ZNF541: variants seen among roughly 807,000 people sequenced by gnomAD.
ZNF541 encodes zinc finger protein 541.
A neutral mutation model predicts 123.5 loss-of-function variants in ZNF541; 23 were observed. The ratio of observed to expected loss-of-function variants is 0.19; its 90% CI spans 0.13 to 0.26. The LOEUF is 0.26. ZNF541 is among the 10% of genes least tolerant of loss of function. ZNF541 has a pLI of 1.00. For missense variants in ZNF541, 1,612 were observed against 1,789.9 expected, an observed-to-expected ratio of 0.90 and a Z score of 1.79; for synonymous variants, 751 against 754.5, an observed-to-expected ratio of 1.00 and a Z score of 0.08.
chr19:47,570,433 C>G (rs756378750), intron 2 of ZNF541, among the ~76,000 whole-genome samples: 3 of 151,466 alleles, frequency 2.0e-5, no homozygotes, highest in African/African-American at 4.9e-5. Context: ...AAAAATTAGC[C>G]GGGCATGGTG....
intron 5 of ZNF541, among the ~76,000 whole-genome samples, chr19:47,543,701 C>T (rs1219668184): frequency 6.6e-6 from 1 of 150,540 alleles, no homozygotes; most frequent in Non-Finnish European, 1.5e-5. Flanking sequence ...AGTGCAGAGA[C>T]ACAATCTCAG....
At chr19:47,538,085 G>A in intron 9 of ZNF541, 57 bp downstream of exon 9, 1 of 1,534,618 alleles carries the variant, frequency 6.5e-7, no homozygotes, top group Non-Finnish European at 8.8e-7. Context: ...TAGAGTGGCT[G>A]TGGTCCGCAG....
chr19:47,572,295 G>C (rs1971503119), intron 1 of ZNF541, among the ~76,000 whole-genome samples: 1 of 152,108 alleles, frequency 6.6e-6, no homozygotes, highest in South Asian at 2.1e-4. Flanking sequence ...GGCAGAATTG[G>C]TGATAAAATA....
chr19:47,546,060 A>C, intron 4 of ZNF541, 80 bp from the exon 5 acceptor site: 1 of 1,273,100 alleles, frequency 7.9e-7, no homozygotes, highest in Non-Finnish European at 1.0e-6. Flanking sequence ...TGGCCCCCAA[A>C]AGTCTGTGGT....
rs781076942 is a variant in ZNF541 at position 47,544,708 on chromosome 19, A to C, written c.1821T>G (p.Ala607=). The C allele has an allele frequency of 1.1e-5, 17 of 1,510,746 alleles. No individual in the cohort carries two copies. In the East Asian group the frequency reaches 2.5e-4, roughly 22 times the overall value. The allele number at this position is 1,510,746 out of a possible 1,614,324, so 93.6% of individuals were successfully genotyped here. Residue 607 remains alanine, a synonymous_variant, in exon 5 of 17, where the codon GCT becomes GCG. Coordinates refer to ENST00000391901, the MANE Select transcript of ZNF541 (RefSeq NM_001277075.3). ...WPQQPPPLAP[A]VDSLHAGPGN... ...CAGGGCCGGCGTGGAGAGAGTCCAC[A>C]GCAGGAGCCAGTGGTGGGGGCTGCT...
chr19:47,566,437 T>C (rs2123407189), intron 2 of ZNF541, among the ~76,000 whole-genome samples: 1 of 152,226 alleles, frequency 6.6e-6, no homozygotes, highest in Non-Finnish European at 1.5e-5. Context: ...TATGTTTCCA[T>C]TAGTTATCCA....
In ZNF541 at chr19:47,544,626, G is replaced by A. The variant is rs1970237173; in HGVS notation, c.1903C>T (p.Pro635Ser). The change falls in exon 5 of 17, where the codon CCC becomes TCC. Residue 635 changes from proline to serine, a missense_variant. Pro to Ser is a moderately conservative substitution (Grantham distance 74). Coordinates refer to ENST00000391901, the MANE Select transcript of ZNF541 (RefSeq NM_001277075.3). ...ARRRKTTPGV[P>S]REASPGSTRR... Reference sequence around the variant, plus strand: ...GTGCTGCCGGGGGAGGCCTCTCTGGGAACCCCGGGTGTGGTTTTTCTCCTG... The same window carrying A: ...GTGCTGCCGGGGGAGGCCTCTCTGGAAACCCCGGGTGTGGTTTTTCTCCTG... 1.9e-6 allele frequency: 3 copies of A among 1,550,232 alleles called. No individual in the cohort carries two copies. The highest frequency in any genetic ancestry group is 1.7e-4 in the Middle Eastern group (1 of 6,012).
rs531969344 is a variant in ZNF541 at position 47,571,945 on chromosome 19, G to A, written c.-148C>T. Among the ~76,000 whole-genome samples the A allele has an allele frequency of 6.6e-6, 1 of 152,172 alleles. No individual in the cohort carries two copies. The highest frequency in any genetic ancestry group is 6.6e-5 in the Admixed American group (1 of 15,256). ...CAGGGAACAGGAGGACCCAGTTTAG[G>A]CCCCACAGGGAGGGGGTTCAGGTGA... On this transcript the variant is annotated 5_prime_UTR_variant, in exon 2 of 17. Transcript: ENST00000391901.
chr19:47,528,845 A>G, intron 14 of ZNF541, 105 bp downstream of exon 14: 1 of 786,684 alleles, frequency 1.3e-6, no homozygotes, highest in South Asian at 1.6e-5. Context: ...GTGCTGCCAC[A>G]GGCAGGTGAG....
Position 47,547,052 on chromosome 19 carries a change from G to C in ZNF541, c.549-1072C>G, listed in dbSNP as rs546263921. Among the ~76,000 whole-genome samples, 5 of 152,326 alleles carry C rather than the reference G, an allele frequency of 3.3e-5. No individual in the cohort carries two copies. The East Asian group carries it at 9.6e-4, about 29-fold the overall frequency. On this transcript the variant is annotated intron_variant, in intron 4 of 16. Coordinates refer to ENST00000391901, the MANE Select transcript of ZNF541 (RefSeq NM_001277075.3). ...AGCAAATGTAAAAGCCACACAGAGAGAGACCTGTTTAACTTTCAGTGTCTC... is the reference window on the plus strand; with the variant it reads ...AGCAAATGTAAAAGCCACACAGAGACAGACCTGTTTAACTTTCAGTGTCTC...
At chr19:47,535,274 GGGAAACAAGAGTGAC>G in intron 9 of ZNF541, among the ~76,000 whole-genome samples, 1 of 152,140 alleles carries the variant, frequency 6.6e-6, no homozygotes, top group African/African-American at 2.4e-5. Context: ...AACTCTTACA[GGGAAACAAGAGTGAC>G]TCTGCATGAC....
In ZNF541 at chr19:47,538,129, C is replaced by T. The variant is rs1969907475; in HGVS notation, c.3094+13G>A. 1 of 1,549,754 alleles carries T rather than the reference C, an allele frequency of 6.5e-7. No individual in the cohort carries two copies. Among genetic ancestry groups the T allele is most frequent in the Non-Finnish European group, 8.7e-7 (1 of 1,146,778 alleles). ...CCCTGGGATCACAGAGTGAGTGCCCCAGCCTCACTCACCGAGCATGGAGCT... is the reference window on the plus strand; with the variant it reads ...CCCTGGGATCACAGAGTGAGTGCCCTAGCCTCACTCACCGAGCATGGAGCT... On this transcript the variant is annotated intron_variant, in intron 9 of 16. Coordinates refer to ENST00000391901, the MANE Select transcript of ZNF541 (RefSeq NM_001277075.3).
chr19:47,559,400 A>AGAAG (rs890890070), intron 2 of ZNF541, among the ~76,000 whole-genome samples: 3 of 151,602 alleles, frequency 2.0e-5, no homozygotes, highest in East Asian at 2.0e-4. Context: ...AAAGAAAGAA[A>AGAAG]GAAGGAAGGA....
intron 4 of ZNF541, among the ~76,000 whole-genome samples, chr19:47,546,908 C>T (rs1380056812): frequency 1.3e-5 from 2 of 152,050 alleles, no homozygotes; most frequent in Non-Finnish European, 1.5e-5. Flanking sequence ...TTAGTAGAGA[C>T]GGGGTTTTGC....
At chr19:47,534,594 G>A (rs535226150) in intron 9 of ZNF541, among the ~76,000 whole-genome samples, 5 of 151,740 alleles carry the variant, frequency 3.3e-5, no homozygotes, top group East Asian at 3.9e-4. Context: ...GCAGTGAGCC[G>A]AGATCATGCC....
In ZNF541 at chr19:47,521,726, A is replaced by G. The variant is rs905122286; in HGVS notation, c.3712-72T>C. The G allele has an allele frequency of 2.0e-6, 3 of 1,525,786 alleles. No individual in the cohort carries two copies. In the African/African-American group the frequency reaches 4.1e-5, roughly 21 times the overall value. 94.5% of individuals were successfully genotyped at this position (1,525,786 alleles called of 1,614,324 possible). On this transcript the variant is annotated intron_variant, in intron 15 of 16. Coordinates refer to ENST00000391901, the MANE Select transcript of ZNF541 (RefSeq NM_001277075.3). The surrounding 1 kb of genome is among the most constrained non-coding windows in gnomAD (Gnocchi z 4.2). ...GTAAGAGAGACACAGAGCTGGGGGC[A>G]TACGTGTCTCCTGCAGGAAAACCCT...
chr19:47,521,411 A>T lies in ZNF541; in HGVS notation c.3888-34T>A. On this transcript the variant is annotated intron_variant, in intron 16 of 16. Coordinates refer to ENST00000391901, the MANE Select transcript of ZNF541 (RefSeq NM_001277075.3). This position sits in a 1 kb window ranked among gnomAD's most constrained non-coding sequence, Gnocchi z 4.2. ...TCACCAGAGGACATGGGGTCAGAGC[A>T]GGGAGGAAGGGATCACAGGGGCTGA... 1 of 1,550,862 alleles carries T rather than the reference A, an allele frequency of 6.4e-7. No individual in the cohort carries two copies. Among genetic ancestry groups the T allele is most frequent in the Non-Finnish European group, 8.7e-7 (1 of 1,146,186 alleles).
intron 5 of ZNF541, among the ~76,000 whole-genome samples, chr19:47,541,604 C>G (rs1254349108): frequency 6.6e-6 from 1 of 152,110 alleles, no homozygotes; most frequent in Non-Finnish European, 1.5e-5. Flanking sequence ...AGGACCTGAA[C>G]AGACATTTCT....
chr19:47,565,380 C>A (rs147299036), intron 2 of ZNF541, among the ~76,000 whole-genome samples: 1 of 152,096 alleles, frequency 6.6e-6, no homozygotes. Flanking sequence ...CCCTTGTAAC[C>A]GAGTACTACC....
Sources: allele counts gnomAD v4.1 joint callset (sites outside exome capture counted in the v4.1 genomes callset), GRCh38; gene constraint gnomAD v4.1.1; non-coding constraint Gnocchi (gnomAD v3.1); transcripts MANE v1.5; gene names NCBI Gene and HGNC (gene_info 2026-07-23, HGNC 2026-07-21).